Variants in CAST observed in about 807,000 individuals in gnomAD.
The protein encoded by CAST is MIR583 host.
Under a neutral mutation model 119.6 loss-of-function variants are expected in CAST, and 76 were observed. The ratio of observed to expected loss-of-function variants is 0.64; its 90% CI spans 0.53 to 0.77. CAST has a LOEUF of 0.77. CAST is among the 30% of genes least tolerant of loss of function. The probability of loss-of-function intolerance (pLI) is 0.00; values close to 1 mark genes in which losing one functional copy is unlikely to be tolerated. For synonymous variants in CAST, 319 were observed against 331.6 expected, an observed-to-expected ratio of 0.96 and a Z score of 0.41; for missense variants, 953 against 946.5, an observed-to-expected ratio of 1.01 and a Z score of -0.09.
the CAST span, among the ~76,000 whole-genome samples, chr5:96,476,878 G>T: frequency 6.8e-6 from 1 of 146,768 alleles, no homozygotes; most frequent in African/African-American, 2.5e-5. Context: ...GACGGTTCTT[G>T]TCTTAGTACA....
intron 30 of CAST, among the ~76,000 whole-genome samples, 154 bp downstream of exon 30, chr5:96,770,756 A>C (rs1772006461): frequency 6.6e-6 from 1 of 152,220 alleles, no homozygotes; most frequent in East Asian, 1.9e-4. Context: ...AAAGTAATTG[A>C]ATTTGTATAA....
At chr5:96,317,681 A>T in the CAST span, among the ~76,000 whole-genome samples, 1 of 152,238 alleles carries the variant, frequency 6.6e-6, no homozygotes, top group Non-Finnish European at 1.5e-5. Flanking sequence ...CACTTCTAAA[A>T]ACTGTCACAT....
At chr5:96,469,865 GTATA>G in the CAST span, among the ~76,000 whole-genome samples, 1 of 129,314 alleles carries the variant, frequency 7.7e-6, no homozygotes, top group East Asian at 2.2e-4. Context: ...ATATGTGTGT[GTATA>G]TATATATATA....
chr5:96,051,471 G>T, the CAST span, among the ~76,000 whole-genome samples: 1 of 152,162 alleles, frequency 6.6e-6, no homozygotes, highest in African/African-American at 2.4e-5. Flanking sequence ...GCTAGCCTGG[G>T]GCTGGGGGTA....
chr5:96,723,917 A>T (rs1466600567), intron 4 of CAST, among the ~76,000 whole-genome samples: 7 of 152,244 alleles, frequency 4.6e-5, no homozygotes, highest in Admixed American at 4.6e-4. Context: ...TGGCACTATA[A>T]CTTAGTACTA....
the CAST span, among the ~76,000 whole-genome samples, chr5:96,404,636 CTTTA>C: frequency 6.6e-6 from 1 of 152,098 alleles, no homozygotes; most frequent in African/African-American, 2.4e-5. Flanking sequence ...CCGAACCCTC[CTTTA>C]TTTGAGGAGA....
the CAST span, among the ~76,000 whole-genome samples, chr5:96,134,828 C>T: frequency 1.3e-5 from 2 of 152,186 alleles, no homozygotes; most frequent in East Asian, 1.9e-4. Context: ...GGAAGAATAG[C>T]ACATAAGTAA....
chr5:96,689,779 C>A (rs1269126135), intron 2 of CAST, among the ~76,000 whole-genome samples: 2 of 152,188 alleles, frequency 1.3e-5, no homozygotes, highest in Non-Finnish European at 2.9e-5. Context: ...ATTATGAAGT[C>A]TACCTTATAG....
chr5:96,675,593 T>A lies in CAST; in HGVS notation c.130T>A (p.Ser44Thr). The change falls in exon 2 of 32, where the codon TCA (serine) becomes ACA (threonine). Residue 44 changes from serine (S) to threonine (T), a missense_variant. By Grantham distance (58) the Ser-to-Thr change is moderately conservative. Transcript: ENST00000675179. ...TTCCAAACCAGGAGAAAAGAAAGGA[T>A]CAGATGAGGTAATTTCCACAATACT... ...SPSKPGEKKG[S>T]DEKKAASLGS... 6.2e-7 allele frequency: 1 copy of A among 1,610,974 alleles called. No individual in the cohort carries two copies. Among genetic ancestry groups the A allele is most frequent in the Non-Finnish European group, 8.5e-7 (1 of 1,177,200 alleles).
the CAST span, among the ~76,000 whole-genome samples, chr5:96,474,248 A>G: frequency 6.6e-6 from 1 of 152,108 alleles, no homozygotes; most frequent in African/African-American, 2.4e-5. Flanking sequence ...AACTGAGACG[A>G]TGAGGCTGCT....
At chr5:96,136,754 T>C in the CAST span, among the ~76,000 whole-genome samples, 1 of 152,222 alleles carries the variant, frequency 6.6e-6, no homozygotes, top group African/African-American at 2.4e-5. Context: ...CCTCCAACAA[T>C]GAGAAAAACT....
At chr5:96,036,450 C>A in the CAST span, among the ~76,000 whole-genome samples, 1 of 152,096 alleles carries the variant, frequency 6.6e-6, no homozygotes, top group Non-Finnish European at 1.5e-5. Flanking sequence ...AAGTCTGAAT[C>A]ATTGTTAATT....
the CAST span, among the ~76,000 whole-genome samples, chr5:96,329,154 G>A: frequency 6.6e-6 from 1 of 152,148 alleles, no homozygotes. Flanking sequence ...TGAGGGTCCA[G>A]TGGAGACCCT....
At chr5:96,569,998 C>A (rs1164903841) in intron 1 of CAST, among the ~76,000 whole-genome samples, 1 of 152,194 alleles carries the variant, frequency 6.6e-6, no homozygotes, top group African/African-American at 2.4e-5. Context: ...AATCTAATTC[C>A]ATCTGACTGA....
At chr5:96,746,790 C>T (rs26508) in intron 17 of CAST, among the ~76,000 whole-genome samples, 144,759 of 152,318 alleles carry the variant, frequency 0.95, 68,818 homozygotes, top group East Asian at 1. Context: ...GATATGAATG[C>T]ACGAGGGTTT....
At chr5:96,290,598 C>T in the CAST span, among the ~76,000 whole-genome samples, 1 of 152,150 alleles carries the variant, frequency 6.6e-6, no homozygotes, top group East Asian at 1.9e-4. Context: ...TTTGGGAAAC[C>T]AGTGAAAACA....
the CAST span, among the ~76,000 whole-genome samples, chr5:95,984,756 G>C: frequency 2.0e-5 from 3 of 152,094 alleles, no homozygotes; most frequent in Non-Finnish European, 4.4e-5. Context: ...GTAGTAACTA[G>C]ATACAAGTAC....
chr5:96,614,781 T>G (rs187028753), intron 1 of CAST, among the ~76,000 whole-genome samples: 1 of 152,288 alleles, frequency 6.6e-6, no homozygotes, highest in Non-Finnish European at 1.5e-5. Context: ...AGTTGAATTA[T>G]GAAAAGGATC....
At chr5:96,414,928 G>A in the CAST span, among the ~76,000 whole-genome samples, 6 of 152,136 alleles carry the variant, frequency 3.9e-5, no homozygotes, top group Non-Finnish European at 8.8e-5. Flanking sequence ...ATGTCACGAT[G>A]TATATTTATT....
Sources: allele counts gnomAD v4.1 joint callset (sites outside exome capture counted in the v4.1 genomes callset), GRCh38; gene constraint gnomAD v4.1.1; transcripts MANE v1.5; gene names NCBI Gene and HGNC (gene_info 2026-07-23, HGNC 2026-07-21).